The following ELOVL6 variants were observed in gnomAD, a reference collection of about 807,000 sequenced individuals.
ELOVL6 encodes the protein very long chain fatty acid elongase 6.
A neutral mutation model predicts 31.7 loss-of-function variants in ELOVL6; 8 were observed. The ratio of observed to expected loss-of-function variants is 0.25; its 90% CI spans 0.15 to 0.45. The LOEUF (loss-of-function observed/expected upper bound fraction) is 0.45. Ranked by LOEUF, ELOVL6 falls within the 20% of genes least tolerant of loss-of-function variation. The pLI is 1.00. For missense variants in ELOVL6, 126 were observed against 326.4 expected, an observed-to-expected ratio of 0.39 and a Z score of 4.73; for synonymous variants, 101 against 117.7, an observed-to-expected ratio of 0.86 and a Z score of 0.92.
chr4:110,189,199 G>A (rs1055624273), intron 1 of ELOVL6, among the ~76,000 whole-genome samples: 4 of 152,110 alleles, frequency 2.6e-5, no homozygotes, highest in African/African-American at 9.7e-5. Context: ...AAGATCGCTT[G>A]GACCAAGAAG....
At chr4:110,064,471 A>AT (rs985173449) in intron 2 of ELOVL6, among the ~76,000 whole-genome samples, 2 of 151,516 alleles carry the variant, frequency 1.3e-5, no homozygotes, top group South Asian at 2.1e-4. Flanking sequence ...ACTCTTTTTT[A>AT]TTTTTTTTAA....
chr4:110,187,054 T>G (rs1759471236), intron 1 of ELOVL6, among the ~76,000 whole-genome samples: 1 of 151,404 alleles, frequency 6.6e-6, no homozygotes, highest in African/African-American at 2.4e-5. Context: ...ATCCTTATCT[T>G]CACTCATTTT....
At chr4:110,057,802 G>C (rs1391558568) in intron 3 of ELOVL6, among the ~76,000 whole-genome samples, 2 of 145,140 alleles carry the variant, frequency 1.4e-5, no homozygotes, top group Non-Finnish European at 3.0e-5. Flanking sequence ...AGTGAGCCGA[G>C]ATCGCGCCAC....
chr4:110,084,371 T>TATATATCGC lies in ELOVL6; in HGVS notation c.221+21125_221+21126insGCGATATAT, dbSNP rs1302035003. On this transcript the variant is annotated intron_variant, in intron 2 of 3. Transcript: ENST00000302274. ...TATATGATATATACCGCATATATGA[T>TATATATCGC]ATATGATATATATCGCATATATGAT... 3.5e-5 allele frequency among the ~76,000 whole-genome samples: 4 copies of TATATATCGC among 115,396 alleles called. 1 individual carries two copies. Among genetic ancestry groups the TATATATCGC allele is most frequent in the Non-Finnish European group, 5.3e-5 (3 of 56,140 alleles). 75.7% of individuals were successfully genotyped at this position (115,396 alleles called of 152,430 possible). A position where few individuals can be genotyped will look rare whatever the true frequency, so the allele number is the denominator to read the frequency against.
chr4:110,077,906 A>T (rs932197962), intron 2 of ELOVL6, among the ~76,000 whole-genome samples: 2 of 152,240 alleles, frequency 1.3e-5, no homozygotes, highest in Admixed American at 6.5e-5. Flanking sequence ...GACCTGATGG[A>T]GCTGAAAACC....
intron 1 of ELOVL6, among the ~76,000 whole-genome samples, chr4:110,157,126 CAAG>C (rs1378918683): frequency 1.3e-5 from 2 of 152,056 alleles, no homozygotes; most frequent in African/African-American, 4.8e-5. Context: ...CTAGCAAGGC[CAAG>C]AAGAAGGAGG....
intron 1 of ELOVL6, among the ~76,000 whole-genome samples, chr4:110,156,587 G>T (rs1560848570): frequency 6.6e-6 from 1 of 152,106 alleles, no homozygotes; most frequent in Non-Finnish European, 1.5e-5. Flanking sequence ...TCAGAAGGCT[G>T]AGGTGGGAGG....
chr4:110,142,287 C>T (rs1757988021), intron 1 of ELOVL6, among the ~76,000 whole-genome samples: 1 of 151,944 alleles, frequency 6.6e-6, no homozygotes, highest in African/African-American at 2.4e-5. Context: ...CCTCATGATC[C>T]ATCCGCCTTG....
chr4:110,186,882 C>CAT (rs1357194292), intron 1 of ELOVL6, among the ~76,000 whole-genome samples: 26 of 130,890 alleles, frequency 2.0e-4, no homozygotes, highest in African/African-American at 2.6e-4. Flanking sequence ...CATATATACA[C>CAT]ATATATATAT....
intron 1 of ELOVL6, among the ~76,000 whole-genome samples, chr4:110,173,419 T>C (rs1759009678): frequency 6.6e-6 from 1 of 151,912 alleles, no homozygotes; most frequent in African/African-American, 2.4e-5. Flanking sequence ...TTCTGAAAGA[T>C]TCAGACTATC....
intron 2 of ELOVL6, among the ~76,000 whole-genome samples, chr4:110,086,513 G>A (rs531764059): frequency 1.3e-5 from 2 of 152,306 alleles, no homozygotes; most frequent in South Asian, 4.1e-4. Flanking sequence ...CATGAGAGTA[G>A]TGTGTTAGTA....
At chr4:110,090,905 G>A (rs1306211189) in intron 2 of ELOVL6, among the ~76,000 whole-genome samples, 1 of 152,048 alleles carries the variant, frequency 6.6e-6, no homozygotes. Flanking sequence ...TCCTGGCCGA[G>A]AGTTTGACTT....
chr4:110,151,666 G>A (rs1400120331), intron 1 of ELOVL6, among the ~76,000 whole-genome samples: 2 of 152,180 alleles, frequency 1.3e-5, no homozygotes, highest in Admixed American at 6.6e-5. Flanking sequence ...CCCATTAAGA[G>A]ACAGCATTTG....
At chr4:110,167,770 A>T (rs1758822826) in intron 1 of ELOVL6, among the ~76,000 whole-genome samples, 1 of 152,044 alleles carries the variant, frequency 6.6e-6, no homozygotes, top group Non-Finnish European at 1.5e-5. Flanking sequence ...TCCTGGCCTC[A>T]AGCCATCCTC....
At chr4:110,140,658 T>C (rs1757927859) in intron 1 of ELOVL6, among the ~76,000 whole-genome samples, 1 of 151,934 alleles carries the variant, frequency 6.6e-6, no homozygotes, top group African/African-American at 2.4e-5. Context: ...TATCAACAGA[T>C]ACTCAAAGTT....
At chr4:110,086,805 T>C (rs930061531) in intron 2 of ELOVL6, among the ~76,000 whole-genome samples, 6 of 152,146 alleles carry the variant, frequency 3.9e-5, no homozygotes, top group Admixed American at 2.0e-4. Context: ...ACATTAGATA[T>C]AGATTTATAG....
intron 2 of ELOVL6, among the ~76,000 whole-genome samples, chr4:110,086,274 T>C (rs1262055177): frequency 6.6e-6 from 1 of 152,190 alleles, no homozygotes; most frequent in African/African-American, 2.4e-5. Context: ...TAGGTAAATT[T>C]CTTAATCACC....
chr4:110,196,106 G>A (rs1254873233), intron 1 of ELOVL6, among the ~76,000 whole-genome samples: 1 of 152,176 alleles, frequency 6.6e-6, no homozygotes, highest in Non-Finnish European at 1.5e-5. Flanking sequence ...GGCCTAGGAA[G>A]TGGCCTCAGA....
intron 1 of ELOVL6, among the ~76,000 whole-genome samples, chr4:110,153,641 AAC>A (rs1222745096): frequency 6.6e-6 from 1 of 152,202 alleles, no homozygotes; most frequent in Non-Finnish European, 1.5e-5. Context: ...CCATTCTTAA[AAC>A]AGTTTTCTTC....
Sources: gnomAD v4.1 joint callset for allele counts (sites outside exome capture counted in the v4.1 genomes callset) on GRCh38, gnomAD v4.1.1 for gene constraint, MANE v1.5 for transcripts, NCBI Gene and HGNC (gene_info 2026-07-23, HGNC 2026-07-21) for gene names.